Variants in VPS37A observed in about 807,000 individuals in gnomAD.
VPS37A encodes the protein vacuolar protein sorting-associated protein 37A.
VPS37A carries 30 observed loss-of-function variants against 49.8 expected under a neutral mutation model. The ratio of observed to expected loss-of-function variants is 0.60; its 90% CI spans 0.45 to 0.82. The LOEUF is 0.82. Ranked by LOEUF, VPS37A falls within the 40% of genes least tolerant of loss-of-function variation. VPS37A has a pLI of 0.00. For missense variants in VPS37A, 593 were observed against 464.4 expected (o/e 1.28, Z -2.55); for synonymous variants, 195 against 160.6 (o/e 1.21, Z -1.62).
chr8:17,331,030 A>C, the VPS37A span: 1 of 1,207,508 alleles, frequency 8.3e-7, no homozygotes, highest in Non-Finnish European at 1.1e-6. Context: ...CTGTAACATG[A>C]TATTCTTCCC....
At chr8:17,281,787 C>G (rs1189880069) in intron 9 of VPS37A, among the ~76,000 whole-genome samples, 1 of 152,038 alleles carries the variant, frequency 6.6e-6, no homozygotes, top group Non-Finnish European at 1.5e-5. Flanking sequence ...GTACAGAAAA[C>G]AACTCATTTA....
rs1424882831 is a variant in VPS37A, at chr8:17,268,861, A to C, written c.321A>C (p.Thr107=). 6.2e-7 allele frequency: 1 copy of C among 1,605,078 alleles called. No homozygotes were observed. The highest frequency in any genetic ancestry group is 8.5e-7 in the Non-Finnish European group (1 of 1,176,892). ...TCATGTATTGTTACTTTCAGTTTAC[A>C]ATGCACTCAGATCTTGGAAAAATTA... ...YVTSPLVNNF[T]MHSDLGKIIQ... is the part of the protein sequence containing the mutation. The change falls in exon 4 of 12, where the codon ACA becomes ACC. Residue 107 remains threonine, a synonymous_variant. Transcript: ENST00000324849.
intron 2 of VPS37A, 41 bp downstream of exon 2, chr8:17,266,022 T>G (rs759301084): frequency 2.0e-6 from 3 of 1,532,300 alleles, no homozygotes; most frequent in Non-Finnish European, 1.8e-6. Flanking sequence ...TAAAAGGACT[T>G]AACAGTTTTT....
intron 10 of VPS37A, among the ~76,000 whole-genome samples, chr8:17,285,192 T>C (rs1477125580): frequency 1.3e-5 from 2 of 152,196 alleles, no homozygotes; most frequent in Non-Finnish European, 2.9e-5. Flanking sequence ...TAGCAGCATC[T>C]TCCTATCACT....
chr8:17,308,049 AAAAAT>A, the VPS37A span, among the ~76,000 whole-genome samples: 1 of 118,526 alleles, frequency 8.4e-6, no homozygotes, highest in Non-Finnish European at 1.7e-5. Flanking sequence ...AATAAAATTA[AAAAAT>A]AAAAATAAAA....
At chr8:17,274,241 C>T (rs935636875) in intron 4 of VPS37A, among the ~76,000 whole-genome samples, 1 of 152,176 alleles carries the variant, frequency 6.6e-6, no homozygotes, top group African/African-American at 2.4e-5. Context: ...AATATTTCAA[C>T]ATTTTAGAAG....
chr8:17,267,467 T>TTTTGTGTGTG lies in VPS37A; in HGVS notation c.201-790_201-789insTTGTGTGTGT, dbSNP rs1554491549. 8.3e-4 allele frequency among the ~76,000 whole-genome samples: 126 copies of TTTTGTGTGTG among 151,430 alleles called. 1 individual carries two copies. Among genetic ancestry groups the TTTTGTGTGTG allele is most frequent in the Middle Eastern group, 3.4e-3 (1 of 292 alleles). Reference sequence around the variant, plus strand: ...GTTCAAAAAAGGTTAAAATTTCTGCTTGTGTGTGTGTGTGTGTGTTGAAAA... The same window carrying TTTTGTGTGTG: ...GTTCAAAAAAGGTTAAAATTTCTGCTTTTGTGTGTGTGTGTGTGTGTGTGTGTGTTGAAAA... On this transcript the variant is annotated intron_variant, in intron 2 of 11. Transcript: ENST00000324849.
At chr8:17,251,340 C>T (rs543362268) in intron 1 of VPS37A, among the ~76,000 whole-genome samples, 36 of 152,280 alleles carry the variant, frequency 2.4e-4, no homozygotes, top group Admixed American at 4.6e-4. Context: ...CAACCCTGAT[C>T]CTCCAATTCC....
intron 1 of VPS37A, among the ~76,000 whole-genome samples, chr8:17,263,559 A>G (rs1813160944): frequency 1.3e-5 from 2 of 152,332 alleles, no homozygotes; most frequent in Non-Finnish European, 2.9e-5. Context: ...CATCAGTATA[A>G]CTGGAGAAAA....
chr8:17,331,290 G>A, the VPS37A span: 2 of 1,580,638 alleles, frequency 1.3e-6, no homozygotes, highest in Non-Finnish European at 1.7e-6. Flanking sequence ...AAGCTGCAGT[G>A]GTCAGCAAAA....
chr8:17,299,863 C>G (rs1305909681), downstream of VPS37A: 3 of 1,613,786 alleles, frequency 1.9e-6, no homozygotes, highest in East Asian at 6.7e-5. Context: ...AGGGAAACTT[C>G]AGGCAGTGAG....
At chr8:17,263,322 A>G (rs1162210177) in intron 1 of VPS37A, among the ~76,000 whole-genome samples, 1 of 152,210 alleles carries the variant, frequency 6.6e-6, no homozygotes, top group East Asian at 1.9e-4. Flanking sequence ...ATTCAAAATC[A>G]CATTTGTGAT....
At position 17,247,306 on chromosome 8, in the gene VPS37A, G is replaced by A. The variant is rs140059062; in HGVS notation, c.62G>A (p.Gly21Asp). The A allele has an allele frequency of 3.9e-6, 6 of 1,553,934 alleles. No homozygotes were observed. The highest frequency in any genetic ancestry group is 5.2e-6 in the Non-Finnish European group (6 of 1,149,606). The change falls in exon 1 of 12, where the codon GGC (glycine) becomes GAC (aspartate). Residue 21 changes from glycine to aspartate, a missense_variant. By Grantham distance (94) the Gly-to-Asp change is moderately conservative. Coordinates refer to ENST00000324849, the MANE Select transcript of VPS37A (RefSeq NM_152415.3). ...ASSSAAGSPG[G>D]LTSLQQQKQR... ...TCCTCCGCGGCTGGGTCCCCCGGTGGCCTCACCAGCCTCCAGCAGCAGAAG... is the reference window on the plus strand; with the variant it reads ...TCCTCCGCGGCTGGGTCCCCCGGTGACCTCACCAGCCTCCAGCAGCAGAAG...
intron 9 of VPS37A, among the ~76,000 whole-genome samples, chr8:17,283,781 C>A (rs1255782073): frequency 6.6e-6 from 1 of 152,110 alleles, no homozygotes; most frequent in East Asian, 1.9e-4. Flanking sequence ...AAATATTAAT[C>A]ATCTTTAAGA....
chr8:17,305,252 C>T (rs184566891), downstream of VPS37A, among the ~76,000 whole-genome samples: 4 of 152,234 alleles, frequency 2.6e-5, no homozygotes, highest in Non-Finnish European at 5.9e-5. Flanking sequence ...AAAAAATGTT[C>T]TCTCATGTAT....
the VPS37A span, among the ~76,000 whole-genome samples, chr8:17,315,668 C>A: frequency 6.6e-6 from 1 of 152,054 alleles, no homozygotes; most frequent in African/African-American, 2.4e-5. Context: ...ATGTAACAGA[C>A]ATCCAGATTG....
At chr8:17,299,742 G>A, downstream of VPS37A, 1 of 1,389,126 alleles carries the variant, frequency 7.2e-7, no homozygotes. Context: ...TTTCATAGCT[G>A]CATTAAAGTA....
At chr8:17,308,428 G>A in the VPS37A span, among the ~76,000 whole-genome samples, 2 of 152,232 alleles carry the variant, frequency 1.3e-5, 1 homozygote, top group Non-Finnish European at 2.9e-5. Flanking sequence ...TAGAAAAATA[G>A]AATTCCTGAA....
downstream of VPS37A, chr8:17,302,266 A>G: frequency 4.3e-6 from 7 of 1,613,262 alleles, no homozygotes; most frequent in Non-Finnish European, 5.9e-6. Context: ...GCGGTTATAC[A>G]TTCCACTCCA....
Sources: gnomAD v4.1 joint callset for allele counts (sites outside exome capture counted in the v4.1 genomes callset) on GRCh38, gnomAD v4.1.1 for gene constraint, MANE v1.5 for transcripts, NCBI Gene and HGNC (gene_info 2026-07-23, HGNC 2026-07-21) for gene names.